CHN1: variants seen among roughly 807,000 people sequenced by gnomAD.
The protein encoded by CHN1 is N-chimaerin.
Under a neutral mutation model 59.5 loss-of-function variants are expected in CHN1, and 37 were observed. The observed-to-expected ratio is 0.62, with a 90% CI of 0.48 to 0.82. CHN1 has a LOEUF of 0.82. Ranked by LOEUF, CHN1 falls within the 40% of genes least tolerant of loss-of-function variation. The pLI is 0.00. For synonymous variants in CHN1, 206 were observed against 200.4 expected, an observed-to-expected ratio of 1.03 and a Z score of -0.24; for missense variants, 469 against 571.0, an observed-to-expected ratio of 0.82 and a Z score of 1.82.
At chr2:174,922,254 T>A (rs1689037428) in intron 3 of CHN1, among the ~76,000 whole-genome samples, 2 of 152,222 alleles carry the variant, frequency 1.3e-5, no homozygotes, top group Admixed American at 1.3e-4. Context: ...GATAAAATGT[T>A]ACTCAAAAGA....
chr2:174,881,195 C>G (rs1687722348), intron 5 of CHN1, among the ~76,000 whole-genome samples: 1 of 152,062 alleles, frequency 6.6e-6, no homozygotes, highest in Non-Finnish European at 1.5e-5. Flanking sequence ...AACCAAGAAA[C>G]TCACTGCCTA....
At chr2:174,847,361 C>G in intron 6 of CHN1, 2 of 1,269,422 alleles carry the variant, frequency 1.6e-6, no homozygotes, top group Non-Finnish European at 2.0e-6. Context: ...GATCTATATT[C>G]TAGCTTCTAA....
chr2:174,863,265 T>C (rs1430572150), intron 6 of CHN1, among the ~76,000 whole-genome samples: 3 of 152,194 alleles, frequency 2.0e-5, no homozygotes, highest in Admixed American at 1.3e-4. Flanking sequence ...AAGATCCATT[T>C]GAAGTTCAAT....
At chr2:174,823,406 G>C (rs1354112981) in intron 8 of CHN1, among the ~76,000 whole-genome samples, 1 of 152,244 alleles carries the variant, frequency 6.6e-6, no homozygotes, top group African/African-American at 2.4e-5. Flanking sequence ...GCTCACGCCT[G>C]TAATCCCAGC....
chr2:174,826,843 A>G (rs1685698353), intron 7 of CHN1, among the ~76,000 whole-genome samples: 1 of 152,228 alleles, frequency 6.6e-6, no homozygotes. Context: ...CATGTATCTC[A>G]GAAAGCAATC....
At chr2:174,913,640 T>A (rs1688758762) in intron 5 of CHN1, among the ~76,000 whole-genome samples, 1 of 152,212 alleles carries the variant, frequency 6.6e-6, no homozygotes, top group Non-Finnish European at 1.5e-5. Flanking sequence ...TTCCATGAAC[T>A]CCTGTGACAA....
intron 3 of CHN1, among the ~76,000 whole-genome samples, chr2:174,931,561 T>G (rs1689348548): frequency 6.6e-6 from 1 of 152,210 alleles, no homozygotes; most frequent in African/African-American, 2.4e-5. Flanking sequence ...TGGGAAATAC[T>G]GATAAACAAA....
intron 11 of CHN1, among the ~76,000 whole-genome samples, chr2:174,804,874 G>T (rs568684206): frequency 2.0e-5 from 3 of 152,280 alleles, no homozygotes; most frequent in Admixed American, 6.5e-5. Context: ...TACATCTCCA[G>T]GCTGGAGATA....
chr2:174,935,962 A>T (rs1346418822), intron 3 of CHN1, among the ~76,000 whole-genome samples: 1 of 152,132 alleles, frequency 6.6e-6, no homozygotes, highest in Non-Finnish European at 1.5e-5. Context: ...AAATAAAAAT[A>T]AAACATGTGC....
chr2:174,838,153 G>GC (rs1244098131), intron 7 of CHN1, among the ~76,000 whole-genome samples: 1 of 151,940 alleles, frequency 6.6e-6, no homozygotes, highest in Non-Finnish European at 1.5e-5. Flanking sequence ...GAGTGCAATG[G>GC]CACGATCTTG....
intron 8 of CHN1, among the ~76,000 whole-genome samples, chr2:174,823,253 A>G (rs1473614290): frequency 6.6e-6 from 1 of 152,240 alleles, no homozygotes; most frequent in Non-Finnish European, 1.5e-5. Flanking sequence ...TTCATGCTAA[A>G]AGACATGTAA....
At chr2:174,959,366 A>G (rs1690324063) in intron 1 of CHN1, among the ~76,000 whole-genome samples, 1 of 152,154 alleles carries the variant, frequency 6.6e-6, no homozygotes, top group Non-Finnish European at 1.5e-5. Context: ...AGCGGCTTGA[A>G]TGTTCCTTTA....
At chr2:174,925,338 G>C (rs1689138346) in intron 3 of CHN1, among the ~76,000 whole-genome samples, 1 of 152,200 alleles carries the variant, frequency 6.6e-6, no homozygotes, top group Non-Finnish European at 1.5e-5. Flanking sequence ...CTCTGGTATA[G>C]TATCATATGA....
At chr2:174,869,141 C>T (rs971083423) in intron 6 of CHN1, among the ~76,000 whole-genome samples, 2 of 152,176 alleles carry the variant, frequency 1.3e-5, no homozygotes, top group Non-Finnish European at 2.9e-5. Flanking sequence ...CTTCTCCCTG[C>T]ACCCAGGAAT....
intron 6 of CHN1, among the ~76,000 whole-genome samples, chr2:174,872,387 C>T (rs903659550): frequency 6.6e-6 from 1 of 152,110 alleles, no homozygotes; most frequent in Non-Finnish European, 1.5e-5. Context: ...ATTAAACAGA[C>T]TTACAGAAAA....
At chr2:174,969,115 C>G (rs1690678282) in intron 1 of CHN1, among the ~76,000 whole-genome samples, 1 of 152,254 alleles carries the variant, frequency 6.6e-6, no homozygotes, top group Non-Finnish European at 1.5e-5. Flanking sequence ...ACAAATCTGT[C>G]CCAAGGGTTT....
Position 174,985,452 on chromosome 2 carries a change from A to G in CHN1, c.19+19442T>C, listed in dbSNP as rs28665597. The stretch of plus-strand genomic sequence containing the variant: ...CATTCATAATTAAAAATTACATAAT[A>G]TATTCCAACTACATCATCTTGTTTT... On this transcript the variant is annotated intron_variant, in intron 1 of 12. Coordinates refer to ENST00000409900, the MANE Select transcript of CHN1 (RefSeq NM_001822.7). 3.5e-3 allele frequency among the ~76,000 whole-genome samples: 532 copies of G among 152,318 alleles called. 5 individuals are homozygous for G. Among genetic ancestry groups the G allele is most frequent in the African/African-American group, 0.012 (490 of 41,564 alleles).
At chr2:174,967,377 T>C (rs938180604) in intron 1 of CHN1, among the ~76,000 whole-genome samples, 1 of 152,034 alleles carries the variant, frequency 6.6e-6, no homozygotes, top group African/African-American at 2.4e-5. Context: ...TAAATTAAAT[T>C]AAAATGCAAT....
chr2:174,801,332 G>A (rs1574030563), intron 12 of CHN1, among the ~76,000 whole-genome samples: 1 of 136,736 alleles, frequency 7.3e-6, no homozygotes, highest in Non-Finnish European at 1.6e-5. Context: ...TAGGAAAAGT[G>A]AGCTGCCTTG....
Sources: gnomAD v4.1 joint callset for allele counts (sites outside exome capture counted in the v4.1 genomes callset) on GRCh38, gnomAD v4.1.1 for gene constraint, MANE v1.5 for transcripts, NCBI Gene and HGNC (gene_info 2026-07-23, HGNC 2026-07-21) for gene names.